Variants in CACNB2 observed in about 807,000 individuals in gnomAD.
The protein encoded by CACNB2 is calcium voltage-gated channel auxiliary subunit beta 2.
In CACNB2, 42 loss-of-function variants were observed where a neutral mutation model predicts 73.3. The observed-to-expected ratio is 0.57, with a 90% CI of 0.45 to 0.74. The LOEUF is 0.74. Among genes scored for constraint, CACNB2 ranks in the 30% least tolerant of loss-of-function variants. The probability of loss-of-function intolerance (pLI) is 0.00; values close to 1 mark genes in which losing one functional copy is unlikely to be tolerated. For synonymous variants in CACNB2, 348 were observed against 310.3 expected (o/e 1.12, Z -1.28); for missense variants, 940 against 853.0 (o/e 1.10, Z -1.27).
At chr10:18,246,741 C>T (rs750812308) in intron 2 of CACNB2, among the ~76,000 whole-genome samples, 23 of 152,070 alleles carry the variant, frequency 1.5e-4, no homozygotes, top group African/African-American at 4.8e-4. Flanking sequence ...CCACCAGGCC[C>T]GGCTAATTTT....
chr10:18,350,897 T>C (rs1014715589), intron 2 of CACNB2, among the ~76,000 whole-genome samples: 1 of 152,234 alleles, frequency 6.6e-6, no homozygotes. Context: ...GGCCTTGTAC[T>C]CCTGAGCTCA....
At position 18,539,272 on chromosome 10, in the gene CACNB2, C is replaced by T. The variant is rs764111314; in HGVS notation, c.1531C>T (p.Arg511Cys). The T allele has an allele frequency of 1.1e-5, 18 of 1,613,818 alleles. No individual in the cohort carries two copies. Among genetic ancestry groups the T allele is most frequent in the Admixed American group, 3.3e-5 (2 of 59,952 alleles). ...GAGGACTGATCGCTCCGCTCCTATC[C>T]GTTCTGCTTCCCAAGCTGAAGAAGA... ...DQRTDRSAPI[R>C]SASQAEEEPS... The change falls in exon 14 of 14, where the codon CGT (arginine) becomes TGT (cysteine). Residue 511 changes from arginine to cysteine, a missense_variant. Physicochemically the swap from Arg to Cys is radical, Grantham distance 180 (BLOSUM62 -3). Transcript: ENST00000324631.
intron 2 of CACNB2, among the ~76,000 whole-genome samples, chr10:18,308,354 T>C (rs1388976391): frequency 3.3e-5 from 5 of 152,114 alleles, no homozygotes; most frequent in Non-Finnish European, 7.4e-5. Flanking sequence ...AGGTTTGCTG[T>C]ATAGGGAAGG....
chr10:18,191,363 G>A (rs2034387807), intron 2 of CACNB2, among the ~76,000 whole-genome samples: 1 of 152,206 alleles, frequency 6.6e-6, no homozygotes, highest in Admixed American at 6.5e-5. Flanking sequence ...TGCTGCTTTT[G>A]CAGCCCTGTG....
intron 2 of CACNB2, among the ~76,000 whole-genome samples, chr10:18,228,119 T>C (rs2036071280): frequency 1.3e-5 from 2 of 151,886 alleles, no homozygotes; most frequent in Admixed American, 6.6e-5. Flanking sequence ...TGATGGTTCA[T>C]TTGGGGGGAA....
Position 18,209,232 on chromosome 10 carries a change from T to G in CACNB2, c.213+58257T>G, listed in dbSNP as rs539314177. On this transcript the variant is annotated intron_variant, in intron 2 of 13. Coordinates refer to ENST00000324631, the MANE Select transcript of CACNB2 (RefSeq NM_201596.3). ...CTTAATTTTTTTTAATCATATGCCT[T>G]AGGCAAACAATGGTTTGACGGCAAC... is the stretch of plus-strand genomic sequence containing the variant. 3.9e-3 allele frequency among the ~76,000 whole-genome samples: 595 copies of G among 152,338 alleles called. 5 individuals are homozygous for G. Among genetic ancestry groups the G allele is most frequent in the South Asian group, 0.034 (162 of 4,826 alleles).
At chr10:18,277,939 C>T (rs1022905708) in intron 2 of CACNB2, among the ~76,000 whole-genome samples, 7 of 152,062 alleles carry the variant, frequency 4.6e-5, no homozygotes, top group Non-Finnish European at 1.0e-4. Context: ...CTATAACCAG[C>T]TATAACACAA....
chr10:18,472,237 TTTTTTTTTTTTTTTTTTG>T (rs2048227387), intron 3 of CACNB2, among the ~76,000 whole-genome samples: 1 of 40,110 alleles, frequency 2.5e-5, no homozygotes, highest in African/African-American at 8.9e-5. Flanking sequence ...TTTTTTTTTT[TTTTTTTTTTTTTTTTTTG>T]ACATGGAGTC....
intron 2 of CACNB2, chr10:18,261,208 A>G (rs1171647164): frequency 6.5e-7 from 1 of 1,550,030 alleles, no homozygotes; most frequent in South Asian, 1.2e-5. Flanking sequence ...GGCTGTGACG[A>G]GAAGACAAGG....
chr10:18,492,531 G>A (rs1223621079), intron 3 of CACNB2, among the ~76,000 whole-genome samples: 2 of 140,240 alleles, frequency 1.4e-5, no homozygotes, highest in East Asian at 4.5e-4. Flanking sequence ...TGAGGCAAGA[G>A]AATCACTTGA....
At chr10:18,207,473 C>A (rs550333622) in intron 2 of CACNB2, among the ~76,000 whole-genome samples, 1 of 152,084 alleles carries the variant, frequency 6.6e-6, no homozygotes, top group Admixed American at 6.6e-5. Context: ...AGGCATCCAC[C>A]AGAGGTCTTG....
chr10:18,511,324 A>AG (rs2050769431), intron 6 of CACNB2, among the ~76,000 whole-genome samples: 1 of 152,220 alleles, frequency 6.6e-6, no homozygotes, highest in South Asian at 2.1e-4. Context: ...ACTCCATCAC[A>AG]GGTTTCCTAC....
chr10:18,480,979 C>T (rs908907656), intron 3 of CACNB2, among the ~76,000 whole-genome samples: 25 of 151,480 alleles, frequency 1.7e-4, no homozygotes, highest in Middle Eastern at 3.4e-3. Flanking sequence ...CTCTTACGTA[C>T]CCCTTGAGGT....
chr10:18,149,653 A>G (rs549223796), intron 1 of CACNB2, among the ~76,000 whole-genome samples: 1 of 152,336 alleles, frequency 6.6e-6, no homozygotes, highest in South Asian at 2.1e-4. Flanking sequence ...GCATATGAAT[A>G]GAGAAAGCAT....
intron 2 of CACNB2, among the ~76,000 whole-genome samples, chr10:18,169,283 T>G (rs918282828): frequency 2.0e-5 from 3 of 152,182 alleles, no homozygotes; most frequent in Non-Finnish European, 4.4e-5. Context: ...TTGTGTACAA[T>G]GAGTAATTCT....
At chr10:18,400,147 G>A (rs2043917097) in intron 2 of CACNB2, among the ~76,000 whole-genome samples, 3 of 152,172 alleles carry the variant, frequency 2.0e-5, no homozygotes. Flanking sequence ...CTAATTAAAT[G>A]GCCACGTCAC....
intron 2 of CACNB2, among the ~76,000 whole-genome samples, chr10:18,301,450 C>T (rs1014257756): frequency 2.6e-5 from 4 of 151,722 alleles, no homozygotes; most frequent in Admixed American, 6.6e-5. Context: ...CAAAAATTAG[C>T]GGGACATGGT....
chr10:18,290,773 A>T (rs182603697), intron 2 of CACNB2, among the ~76,000 whole-genome samples: 6 of 152,204 alleles, frequency 3.9e-5, no homozygotes, highest in African/African-American at 1.4e-4. Context: ...CTGAGGGGGA[A>T]GGCAGAGGTC....
chr10:18,195,417 A>G (rs970574165), intron 2 of CACNB2, among the ~76,000 whole-genome samples: 2 of 152,122 alleles, frequency 1.3e-5, no homozygotes, highest in African/African-American at 2.4e-5. Context: ...TTGATCTCTC[A>G]GGGGGTATCA....
Sources: gnomAD v4.1 joint callset for allele counts (sites outside exome capture counted in the v4.1 genomes callset) on GRCh38, gnomAD v4.1.1 for gene constraint, MANE v1.5 for transcripts, NCBI Gene and HGNC (gene_info 2026-07-23, HGNC 2026-07-21) for gene names.